Variants in VDAC1 observed in about 807,000 individuals in gnomAD.
The protein encoded by VDAC1 is non-selective voltage-gated ion channel VDAC1.
Under a neutral mutation model 34.7 loss-of-function variants are expected in VDAC1, and 10 were observed. The ratio of observed to expected loss-of-function variants is 0.29; its 90% CI spans 0.18 to 0.49. The LOEUF (loss-of-function observed/expected upper bound fraction) is 0.49. Among genes scored for constraint, VDAC1 ranks in the 20% least tolerant of loss-of-function variants. The pLI is 0.99. For synonymous variants in VDAC1, 130 were observed against 136.0 expected, an observed-to-expected ratio of 0.96 and a Z score of 0.30; for missense variants, 230 against 347.9, an observed-to-expected ratio of 0.66 and a Z score of 2.69.
chr5:134,044,723 G>A, the VDAC1 span, among the ~76,000 whole-genome samples: 17 of 152,330 alleles, frequency 1.1e-4, no homozygotes, highest in Non-Finnish European at 1.0e-4. Flanking sequence ...AGAAAAGACC[G>A]TGTGATGTCC....
At chr5:134,004,468 T>C (rs908937024) in intron 1 of VDAC1, 3 of 152,212 alleles carry the variant, frequency 2.0e-5, no homozygotes, top group Non-Finnish European at 4.4e-5. Flanking sequence ...TGTGCGGCCT[T>C]CTCTGCCCGC....
chr5:134,089,709 G>A, the VDAC1 span, among the ~76,000 whole-genome samples: 1 of 144,954 alleles, frequency 6.9e-6, no homozygotes, highest in Non-Finnish European at 1.5e-5. Flanking sequence ...GTGGCTCATG[G>A]CTGGGTGCAG....
At chr5:134,083,401 G>A in the VDAC1 span, among the ~76,000 whole-genome samples, 1 of 152,062 alleles carries the variant, frequency 6.6e-6, no homozygotes, top group African/African-American at 2.4e-5. Flanking sequence ...TGTTGGCCAG[G>A]CTGGTCTCAG....
chr5:134,082,756 G>C, the VDAC1 span, among the ~76,000 whole-genome samples: 1 of 152,284 alleles, frequency 6.6e-6, no homozygotes, highest in African/African-American at 2.4e-5. Context: ...TTGTTTTTCA[G>C]CTATTCTAAT....
intron 1 of VDAC1, among the ~76,000 whole-genome samples, chr5:133,993,255 TCTC>T (rs1230181628): frequency 1.3e-5 from 2 of 152,178 alleles, no homozygotes; most frequent in Non-Finnish European, 2.9e-5. Flanking sequence ...AATTTAGACC[TCTC>T]CTCCTCAGCA....
chr5:133,984,509 T>A (rs1233778209), intron 5 of VDAC1, among the ~76,000 whole-genome samples: 1 of 150,660 alleles, frequency 6.6e-6, no homozygotes, highest in Non-Finnish European at 1.5e-5. Context: ...GGTCTCCAAC[T>A]CCTGGGCTCA....
At chr5:134,088,148 C>G in the VDAC1 span, among the ~76,000 whole-genome samples, 7 of 152,140 alleles carry the variant, frequency 4.6e-5, no homozygotes, top group East Asian at 1.2e-3. Context: ...AGAGCAAAAC[C>G]CTGTCTCAAA....
At position 133,991,182 on chromosome 5, in the gene VDAC1, C is replaced by G. The variant is rs765112373; in HGVS notation, c.118-28G>C. On this transcript the variant is annotated intron_variant, in intron 3 of 8. Transcript: ENST00000265333. ...TCAAAGGAGAGAGAAGAGTCACAGCCTGCACCATAGCACTCACTTGGCTTC... is the reference window on the plus strand; with the variant it reads ...TCAAAGGAGAGAGAAGAGTCACAGCGTGCACCATAGCACTCACTTGGCTTC... 2.8e-5 allele frequency: 45 copies of G among 1,604,626 alleles called. No individual in the cohort carries two copies. The East Asian group carries it at 1.0e-3, about 36-fold the overall frequency.
Position 133,992,936 on chromosome 5 carries a change from C to CA in VDAC1, c.67+9dup. On this transcript the variant is annotated intron_variant, in intron 2 of 8. Coordinates refer to ENST00000265333, the MANE Select transcript of VDAC1 (RefSeq NM_003374.3). ...TGAGCTGAAAGGCACCCCCTCTCTG[C>CA]AACACTCACCATAGCCCTTGGTGAA... The CA allele has an allele frequency of 6.2e-7, 1 of 1,612,034 alleles. No homozygotes were observed. Among genetic ancestry groups the CA allele is most frequent in the Non-Finnish European group, 8.5e-7 (1 of 1,178,802 alleles).
At chr5:134,058,344 C>T in the VDAC1 span, among the ~76,000 whole-genome samples, 10 of 147,536 alleles carry the variant, frequency 6.8e-5, no homozygotes, top group African/African-American at 2.5e-4. Context: ...GACGGAGTCT[C>T]ACTCTGTCGC....
At chr5:133,997,535 TAAAAATAAAAA>T (rs1472688660) in intron 1 of VDAC1, among the ~76,000 whole-genome samples, 3 of 145,036 alleles carry the variant, frequency 2.1e-5, no homozygotes, top group Admixed American at 6.9e-5. Context: ...CCGTCTCTAC[TAAAAATAAAAA>T]AAAAATAAAA....
chr5:134,066,780 G>C, the VDAC1 span, among the ~76,000 whole-genome samples: 1 of 152,198 alleles, frequency 6.6e-6, no homozygotes, highest in African/African-American at 2.4e-5. Flanking sequence ...AAAGGAGAAA[G>C]AGAAGGGAAT....
At chr5:134,045,568 T>C in the VDAC1 span, among the ~76,000 whole-genome samples, 1 of 152,164 alleles carries the variant, frequency 6.6e-6, no homozygotes, top group Non-Finnish European at 1.5e-5. Flanking sequence ...TCTGTTTCCA[T>C]TGTCTCATCT....
chr5:133,984,486 T>C (rs1342035759), intron 5 of VDAC1, among the ~76,000 whole-genome samples: 1 of 147,904 alleles, frequency 6.8e-6, no homozygotes, highest in Non-Finnish European at 1.5e-5. Context: ...GGTTTCACCA[T>C]GTTACCTAGG....
the VDAC1 span, among the ~76,000 whole-genome samples, chr5:134,040,931 T>G: frequency 6.6e-6 from 1 of 152,180 alleles, no homozygotes; most frequent in South Asian, 2.1e-4. Context: ...GGTTCAAAAT[T>G]TTGTGTGTGT....
At chr5:134,088,205 A>C in the VDAC1 span, among the ~76,000 whole-genome samples, 1 of 152,286 alleles carries the variant, frequency 6.6e-6, no homozygotes, top group Admixed American at 6.5e-5. Flanking sequence ...CAGCTCTGAC[A>C]ACTACTTGAT....
At chr5:134,103,861 C>G in the VDAC1 span, among the ~76,000 whole-genome samples, 1 of 152,210 alleles carries the variant, frequency 6.6e-6, no homozygotes, top group East Asian at 1.9e-4. Context: ...AGTTTGAGGT[C>G]CTAGGAGCAG....
At chr5:134,014,048 G>A in the VDAC1 span, among the ~76,000 whole-genome samples, 52 of 151,634 alleles carry the variant, frequency 3.4e-4, 2 homozygotes, top group Middle Eastern at 0.017. Flanking sequence ...CCAGCACTTT[G>A]GGGGGCCAAG....
Position 133,990,872 on chromosome 5 carries a change from G to A in VDAC1, c.306C>T (p.Ser102=). Residue 102 remains serine (S), a synonymous_variant, in exon 5 of 9, where the codon TCC becomes TCT. Coordinates refer to ENST00000265333, the MANE Select transcript of VDAC1 (RefSeq NM_003374.3). ...ACTCTTACCCAGTGTTAGGTGAGAA[G>A]GATGAATCGAAGGTCAGCTTCAGTC... ...ARGLKLTFDS[S]FSPNTGKKNA... 6.4e-7 allele frequency: 1 copy of A among 1,562,358 alleles called. No individual in the cohort carries two copies. The highest frequency in any genetic ancestry group is 8.7e-7 in the Non-Finnish European group (1 of 1,152,990).
Sources: gnomAD v4.1 joint callset for allele counts (sites outside exome capture counted in the v4.1 genomes callset) on GRCh38, gnomAD v4.1.1 for gene constraint, MANE v1.5 for transcripts, NCBI Gene and HGNC (gene_info 2026-07-23, HGNC 2026-07-21) for gene names.